NALCN: variants seen among roughly 807,000 people sequenced by gnomAD.
NALCN encodes sodium leak channel, non-selective, also known as sodium leak channel NALCN.
In NALCN, 111 loss-of-function variants were observed where a neutral mutation model predicts 225.3. That is an observed-to-expected ratio of 0.49 (90% CI 0.42 to 0.58). The LOEUF is 0.58. NALCN is among the 20% of genes least tolerant of loss of function. The pLI, the probability that NALCN is intolerant of heterozygous loss-of-function variation, is 0.00. For synonymous variants in NALCN, 764 were observed against 769.0 expected (o/e 0.99, Z 0.11); for missense variants, 1,378 against 2,202.4 (o/e 0.63, Z 7.49).
At chr13:101,302,265 G>T (rs2044000281) in intron 7 of NALCN, among the ~76,000 whole-genome samples, 1 of 152,104 alleles carries the variant, frequency 6.6e-6, no homozygotes, top group South Asian at 2.1e-4. Context: ...TAACAATAAG[G>T]TAGACCTGGT....
intron 15 of NALCN, among the ~76,000 whole-genome samples, chr13:101,168,181 C>G (rs552835112): frequency 9.8e-5 from 15 of 152,310 alleles, no homozygotes; most frequent in Admixed American, 9.8e-4. Context: ...CTCCTCCTCA[C>G]TGGTTCATAC....
intron 2 of NALCN, among the ~76,000 whole-genome samples, chr13:101,397,575 C>T: frequency 6.6e-6 from 1 of 150,770 alleles, no homozygotes; most frequent in East Asian, 2.0e-4. Flanking sequence ...ACACATATAA[C>T]ATATATGTGT....
intron 10 of NALCN, among the ~76,000 whole-genome samples, chr13:101,279,093 T>C (rs1038743768): frequency 2.0e-5 from 3 of 150,240 alleles, no homozygotes; most frequent in African/African-American, 7.3e-5. Flanking sequence ...GAATTTCCCC[T>C]GGTTGGAGAA....
At chr13:101,121,541 C>T (rs543233557) in intron 18 of NALCN, among the ~76,000 whole-genome samples, 203 of 152,166 alleles carry the variant, frequency 1.3e-3, no homozygotes, top group South Asian at 9.0e-3. Flanking sequence ...TACTTACCTC[C>T]CTGGCGAGGA....
In NALCN at chr13:101,068,870, G is replaced by A. The variant is rs112991294; in HGVS notation, c.4198-43C>T. 7.7e-5 allele frequency: 117 copies of A among 1,524,000 alleles called. 1 individual carries two copies. The African/African-American group carries it at 1.5e-3, about 19-fold the overall frequency. The allele number at this position is 1,524,000 out of a possible 1,614,324, so 94.4% of individuals were successfully genotyped here. A position where few individuals can be genotyped will look rare whatever the true frequency, so the allele number is the denominator to read the frequency against. ...GGAAGAAGGAGAGGATAAGAGTAGA[G>A]AATACAAATTTCTTTTAGCTGACTA... On this transcript the variant is annotated intron_variant, in intron 37 of 43. Transcript: ENST00000251127.
intron 6 of NALCN, among the ~76,000 whole-genome samples, chr13:101,365,023 GTTTCCATTTGTA>G (rs1408676210): frequency 6.6e-6 from 1 of 152,038 alleles, no homozygotes; most frequent in Non-Finnish European, 1.5e-5. Flanking sequence ...ATTCCAGTAT[GTTTCCATTTGTA>G]TTTCTTTTTC....
chr13:101,247,919 C>T lies in NALCN; in HGVS notation c.1267-9997G>A, dbSNP rs1024527581. Among the ~76,000 whole-genome samples the T allele has an allele frequency of 3.0e-4, 46 of 152,008 alleles. 1 individual carries two copies. Among genetic ancestry groups the T allele is most frequent in the Non-Finnish European group, 1.2e-4 (8 of 67,990 alleles). ...CTTATAAGTGAGAACATGCAGTGTT[C>T]GGTTTTCTGTTCCTGTGTTAGTTTG... On this transcript the variant is annotated intron_variant, in intron 11 of 43. Coordinates refer to ENST00000251127, the MANE Select transcript of NALCN (RefSeq NM_052867.4).
At chr13:101,090,223 A>G (rs2034157099) in intron 28 of NALCN, among the ~76,000 whole-genome samples, 1 of 152,182 alleles carries the variant, frequency 6.6e-6, no homozygotes, top group Non-Finnish European at 1.5e-5. Flanking sequence ...GATTGTGTTC[A>G]TTAGGTAATG....
chr13:101,258,293 A>C (rs2042305729), intron 11 of NALCN, 150 bp downstream of exon 11: 1 of 1,193,672 alleles, frequency 8.4e-7, no homozygotes, highest in Non-Finnish European at 1.2e-6. Context: ...CACTGTGACC[A>C]GAGGAACCAC....
rs557945522 is a variant in NALCN at position 101,256,858 on chromosome 13, G to C, written c.1266+1585C>G. 1.1e-3 allele frequency among the ~76,000 whole-genome samples: 166 copies of C among 149,696 alleles called. 1 individual carries two copies. The highest frequency in any genetic ancestry group is 3.8e-3 in the African/African-American group (155 of 40,804). ...GGCTCACTGCAACCTCCGCCTCCCA[G>C]GTTCAAGTGATTCTCCTGCCTCAGC... On this transcript the variant is annotated intron_variant, in intron 11 of 43. Transcript: ENST00000251127.
At chr13:101,113,525 G>C (rs528347803) in intron 18 of NALCN, among the ~76,000 whole-genome samples, 8 of 152,264 alleles carry the variant, frequency 5.3e-5, no homozygotes, top group African/African-American at 1.9e-4. Flanking sequence ...CTGCTAAGAG[G>C]TTACATATAC....
At chr13:101,121,452 T>C (rs1306397605) in intron 18 of NALCN, among the ~76,000 whole-genome samples, 1 of 152,176 alleles carries the variant, frequency 6.6e-6, no homozygotes, top group Non-Finnish European at 1.5e-5. Context: ...TGCACACAAA[T>C]TAGGACGAAT....
intron 6 of NALCN, among the ~76,000 whole-genome samples, chr13:101,365,557 C>G (rs1239152163): frequency 6.8e-6 from 1 of 146,652 alleles, no homozygotes; most frequent in Non-Finnish European, 1.5e-5. Context: ...TGTATTTGGA[C>G]CAGCAAGAGC....
intron 22 of NALCN, among the ~76,000 whole-genome samples, chr13:101,107,253 C>T (rs541509538): frequency 3.9e-5 from 6 of 152,266 alleles, no homozygotes; most frequent in South Asian, 2.1e-4. Flanking sequence ...AATGCACAAA[C>T]GAAAATGGCT....
chr13:101,147,333 C>T (rs907941289), intron 15 of NALCN, among the ~76,000 whole-genome samples: 3 of 150,702 alleles, frequency 2.0e-5, no homozygotes, highest in Non-Finnish European at 4.4e-5. Context: ...CATTCCACTG[C>T]CTTTTTCTTC....
chr13:101,403,283 C>T (rs970516947), intron 1 of NALCN, among the ~76,000 whole-genome samples: 1 of 152,182 alleles, frequency 6.6e-6, no homozygotes, highest in Non-Finnish European at 1.5e-5. Context: ...TTTATTTAAC[C>T]TTATGTTTCC....
At chr13:101,228,706 T>C (rs2041239044) in intron 13 of NALCN, among the ~76,000 whole-genome samples, 1 of 152,228 alleles carries the variant, frequency 6.6e-6, no homozygotes, top group Admixed American at 6.5e-5. Flanking sequence ...GTCTTTATCA[T>C]CAGTGTAAGA....
intron 7 of NALCN, among the ~76,000 whole-genome samples, chr13:101,336,770 T>C (rs916546216): frequency 6.6e-6 from 1 of 152,214 alleles, no homozygotes; most frequent in Non-Finnish European, 1.5e-5. Flanking sequence ...GGTTAATTTG[T>C]GATAATTTAG....
intron 14 of NALCN, among the ~76,000 whole-genome samples, chr13:101,181,674 C>T (rs955738774): frequency 6.6e-6 from 1 of 151,680 alleles, no homozygotes; most frequent in Non-Finnish European, 1.5e-5. Context: ...CCTGGGAGGT[C>T]GAGGCTGCAG....
Sources: allele counts gnomAD v4.1 joint callset (sites outside exome capture counted in the v4.1 genomes callset), GRCh38; gene constraint gnomAD v4.1.1; transcripts MANE v1.5; gene names NCBI Gene and HGNC (gene_info 2026-07-23, HGNC 2026-07-21).